TG: variants seen among roughly 807,000 people sequenced by gnomAD.
TG encodes the protein thyroglobulin.
TG carries 270 observed loss-of-function variants against 324.7 expected under a neutral mutation model. The observed-to-expected ratio is 0.83, with a 90% CI of 0.75 to 0.92. The LOEUF (loss-of-function observed/expected upper bound fraction) is 0.92, where lower values mean the gene tolerates loss of function less well. Ranked by LOEUF, TG falls within the 40% of genes least tolerant of loss-of-function variation. The pLI is 0.00. For synonymous variants in TG, 1,401 were observed against 1,327.0 expected, an observed-to-expected ratio of 1.06 and a Z score of -1.21; for missense variants, 3,591 against 3,456.4, an observed-to-expected ratio of 1.04 and a Z score of -0.98.
At chr8:132,988,454 T>C (rs1318333828) in intron 35 of TG, among the ~76,000 whole-genome samples, 1 of 30,452 alleles carries the variant, frequency 3.3e-5, no homozygotes, top group Non-Finnish European at 7.8e-5. Flanking sequence ...GTAAAGTGCA[T>C]TGGATACTGC....
chr8:133,049,718 A>G, intron 41 of TG: 3 of 588,612 alleles, frequency 5.1e-6, no homozygotes, highest in Non-Finnish European at 9.2e-6. Flanking sequence ...TGAGTCCCAG[A>G]GAGCAGAAGA....
chr8:132,879,856 G>A (rs553318691), intron 5 of TG, among the ~76,000 whole-genome samples: 12 of 152,228 alleles, frequency 7.9e-5, no homozygotes, highest in Non-Finnish European at 1.2e-4. Flanking sequence ...TAAAGTGGTA[G>A]GATGAAGATG....
chr8:133,061,883 T>G (rs2131341745), intron 41 of TG, among the ~76,000 whole-genome samples: 1 of 152,194 alleles, frequency 6.6e-6, no homozygotes. Context: ...AGGGAAGGGG[T>G]GGTGTGAGGT....
rs528662880 is a variant in TG, at chr8:133,083,305, T to C, written c.7240-11739T>C. On this transcript the variant is annotated intron_variant, in intron 41 of 47. Coordinates refer to ENST00000220616, the MANE Select transcript of TG (RefSeq NM_003235.5). Reference sequence around the variant, plus strand: ...ATTTTCACAAGAACTCTTTGAAATATCAATTGATTTTAACAATTGCTACCA... The same window carrying C: ...ATTTTCACAAGAACTCTTTGAAATACCAATTGATTTTAACAATTGCTACCA... 2.1e-4 allele frequency among the ~76,000 whole-genome samples: 32 copies of C among 152,340 alleles called. No individual in the cohort carries two copies. In the South Asian group the frequency reaches 4.6e-3, roughly 22 times the overall value.
chr8:132,886,315 A>G lies in TG; in HGVS notation c.1076-133A>G, dbSNP rs78925259. On this transcript the variant is annotated intron_variant, in intron 8 of 47. Transcript: ENST00000220616. The stretch of plus-strand genomic sequence containing the variant: ...AGGAAAAAATAAAATGACACAGAGA[A>G]GAAAGTGGTTTCAAACGTAGGTGTC... The G allele has an allele frequency of 4.5e-3, 5,703 of 1,270,516 alleles. 206 individuals carry two copies. The African/African-American group carries it at 0.075, about 17-fold the overall frequency. 78.7% of individuals were successfully genotyped at this position (1,270,516 alleles called of 1,614,324 possible).
In TG at chr8:132,887,044, C is replaced by G. The variant is rs1815521969; in HGVS notation, c.1672C>G (p.Leu558Val). 1 of 1,614,196 alleles carries G rather than the reference C, an allele frequency of 6.2e-7. No homozygotes were observed. Among genetic ancestry groups the G allele is most frequent in the Non-Finnish European group, 8.5e-7 (1 of 1,180,046 alleles). Reference sequence around the variant, plus strand: ...GGGCAGCTTTGGCTTTGAAATTAACCTACAAGAGAACCAAAATGCCCTCAA... The same window carrying G: ...GGGCAGCTTTGGCTTTGAAATTAACGTACAAGAGAACCAAAATGCCCTCAA... ...TVGSFGFEIN[L>V]QENQNALKFL... The change falls in exon 9 of 48, where the codon CTA (leucine) becomes GTA (valine). Residue 558 changes from leucine to valine, a missense_variant. Transcript: ENST00000220616.
chr8:133,007,771 C>CT (rs75045660), intron 35 of TG, among the ~76,000 whole-genome samples: 5,904 of 128,860 alleles, frequency 0.046, 132 homozygotes, highest in Middle Eastern at 0.085. Flanking sequence ...TAATTTAGTT[C>CT]TTTTTTTTTT....
At chr8:132,891,618 A>C (rs1816251496) in intron 10 of TG, among the ~76,000 whole-genome samples, 1 of 152,220 alleles carries the variant, frequency 6.6e-6, no homozygotes, top group Non-Finnish European at 1.5e-5. Flanking sequence ...TACAGGCATG[A>C]ACCACTGCAT....
chr8:133,028,865 G>A (rs1836354844), intron 40 of TG, among the ~76,000 whole-genome samples: 1 of 152,014 alleles, frequency 6.6e-6, no homozygotes, highest in African/African-American at 2.4e-5. Flanking sequence ...GTAGTTTCTT[G>A]CTGGATGCTG....
At chr8:132,980,527 C>T (rs1830696939) in intron 34 of TG, among the ~76,000 whole-genome samples, 1 of 152,056 alleles carries the variant, frequency 6.6e-6, no homozygotes. Flanking sequence ...TATAATAAAA[C>T]TTTAATAGAT....
At chr8:133,029,385 A>G (rs1016159432) in intron 40 of TG, among the ~76,000 whole-genome samples, 2 of 152,210 alleles carry the variant, frequency 1.3e-5, no homozygotes, top group African/African-American at 2.4e-5. Context: ...GGCCATTGTC[A>G]GGGACAACCA....
intron 23 of TG, among the ~76,000 whole-genome samples, chr8:132,933,258 G>A (rs941619235): frequency 0.013 from 1 of 76 alleles, no homozygotes; most frequent in Non-Finnish European, 0.042. Flanking sequence ...ATGTATTTGT[G>A]TGTGTGTTTG....
Position 132,888,096 on chromosome 8 carries a change from C to T in TG, c.2289C>T (p.Cys763=), listed in dbSNP as rs1815689864. The T allele has an allele frequency of 3.7e-6, 6 of 1,614,162 alleles. No homozygotes were observed. Among genetic ancestry groups the T allele is most frequent in the Non-Finnish European group, 5.1e-6 (6 of 1,180,018 alleles). The change falls in exon 10 of 48, where the codon TGC becomes TGT. Residue 763 remains cysteine, a synonymous_variant. Transcript: ENST00000220616. ...TTTCCGACACCTACATCCCACAGTG[C>T]AGCACCGATGGGCAGTGGAGACAAG... ...PTLSDTYIPQ[C]STDGQWRQVQ...
intron 20 of TG, among the ~76,000 whole-genome samples, chr8:132,916,661 A>G (rs1484006296): frequency 6.6e-6 from 1 of 152,168 alleles, no homozygotes; most frequent in Non-Finnish European, 1.5e-5. Flanking sequence ...GATCCAGGGA[A>G]TTGGTGACGG....
At chr8:133,015,357 C>T (rs565565264) in intron 37 of TG, among the ~76,000 whole-genome samples, 10 of 152,340 alleles carry the variant, frequency 6.6e-5, no homozygotes, top group South Asian at 2.1e-4. Flanking sequence ...TTCACACAGA[C>T]GTTATTTGTT....
chr8:133,111,058 C>A (rs1299118233), intron 43 of TG, among the ~76,000 whole-genome samples: 1 of 152,212 alleles, frequency 6.6e-6, no homozygotes, highest in Non-Finnish European at 1.5e-5. Context: ...CCAAATTTGG[C>A]AGTTAGCACT....
intron 41 of TG, among the ~76,000 whole-genome samples, chr8:133,092,210 G>T (rs1171904218): frequency 6.6e-6 from 1 of 152,230 alleles, no homozygotes; most frequent in African/African-American, 2.4e-5. Context: ...GTGGTTGTGT[G>T]TGTGGATATG....
chr8:132,922,080 A>T (rs557497689), intron 21 of TG, among the ~76,000 whole-genome samples: 64 of 152,360 alleles, frequency 4.2e-4, no homozygotes, highest in African/African-American at 1.4e-3. Flanking sequence ...TAAATAAAAC[A>T]AGTAATGATA....
Position 132,961,000 on chromosome 8 carries a change from C to A in TG, c.5402-8C>A. On this transcript the variant is annotated splice_polypyrimidine_tract_variant and splice_region_variant and intron_variant, in intron 27 of 47. Coordinates refer to ENST00000220616, the MANE Select transcript of TG (RefSeq NM_003235.5). ...CAAGCTCATAAAAATAAACATCTTC[C>A]TTTGCAGGTCTGACACCCTTAGAAG... is the stretch of plus-strand genomic sequence containing the variant. 1 of 1,613,914 alleles carries A rather than the reference C, an allele frequency of 6.2e-7. No individual in the cohort carries two copies. Among genetic ancestry groups the A allele is most frequent in the Non-Finnish European group, 8.5e-7 (1 of 1,179,820 alleles).
Sources: allele counts gnomAD v4.1 joint callset (sites outside exome capture counted in the v4.1 genomes callset), GRCh38; gene constraint gnomAD v4.1.1; transcripts MANE v1.5; gene names NCBI Gene and HGNC (gene_info 2026-07-23, HGNC 2026-07-21).